The following TLN1 variants were observed in gnomAD, a reference collection of about 807,000 sequenced individuals.
The protein encoded by TLN1 is talin 1.
A neutral mutation model predicts 292.3 loss-of-function variants in TLN1; 56 were observed. The observed-to-expected ratio is 0.19, with a 90% CI of 0.15 to 0.24. TLN1 has a LOEUF of 0.24. Ranked by LOEUF, TLN1 falls within the 10% of genes least tolerant of loss-of-function variation. The probability of loss-of-function intolerance (pLI) is 1.00; values close to 1 mark genes in which losing one functional copy is unlikely to be tolerated. For missense variants in TLN1, 2,433 were observed against 3,248.2 expected, an observed-to-expected ratio of 0.75 and a Z score of 6.10; for synonymous variants, 1,119 against 1,253.7, an observed-to-expected ratio of 0.89 and a Z score of 2.27.
chr9:35,727,159 G>C (rs1281175949), intron 1 of TLN1, among the ~76,000 whole-genome samples: 1 of 152,158 alleles, frequency 6.6e-6, no homozygotes, highest in Non-Finnish European at 1.5e-5. Context: ...GCTTGGTACA[G>C]GGATTGGGTG....
intron 43 of TLN1, among the ~76,000 whole-genome samples, chr9:35,705,261 A>G (rs886411857): frequency 2.6e-5 from 4 of 152,226 alleles, no homozygotes; most frequent in Non-Finnish European, 4.4e-5. Flanking sequence ...GAACAAGAAC[A>G]TGGACTGGCA....
intron 1 of TLN1, among the ~76,000 whole-genome samples, chr9:35,730,055 G>T (rs1249053910): frequency 1.3e-5 from 2 of 151,930 alleles, no homozygotes; most frequent in African/African-American, 4.8e-5. Flanking sequence ...TATATGACCA[G>T]TCACTGCATC....
In TLN1 at chr9:35,724,119, G is replaced by A; in HGVS notation, c.655-40C>T. The A allele has an allele frequency of 6.2e-7, 1 of 1,612,708 alleles. No individual in the cohort carries two copies. The highest frequency in any genetic ancestry group is 8.5e-7 in the Non-Finnish European group (1 of 1,178,814). On this transcript the variant is annotated intron_variant, in intron 6 of 56. Transcript: ENST00000314888. This position sits in a 1 kb window ranked among gnomAD's most constrained non-coding sequence, Gnocchi z 4.7. ...GCAAGGAGGCGAATGTTGTGTGTGGGTGCAAGGACACGCACACTGTGCTTC... is the reference window on the plus strand; with the variant it reads ...GCAAGGAGGCGAATGTTGTGTGTGGATGCAAGGACACGCACACTGTGCTTC...
chr9:35,717,037 T>C lies in TLN1; in HGVS notation c.2458+109A>G. On this transcript the variant is annotated intron_variant, in intron 19 of 56. Transcript: ENST00000314888. This position sits in a 1 kb window ranked among gnomAD's most constrained non-coding sequence, Gnocchi z 4.7. ...GGTTGTGTGGCTGGCAAGCCCACAC[T>C]GTGCTGAGTTCCTTGGGGTGAAGTG... 2 of 1,283,736 alleles carry C rather than the reference T, an allele frequency of 1.6e-6. No homozygotes were observed. Among genetic ancestry groups the C allele is most frequent in the Non-Finnish European group, 1.1e-6 (1 of 936,606 alleles). The allele number at this position is 1,283,736 out of a possible 1,614,324, so 79.5% of individuals were successfully genotyped here.
intron 1 of TLN1, among the ~76,000 whole-genome samples, chr9:35,728,813 C>T (rs140617902): frequency 6.6e-6 from 1 of 152,326 alleles, no homozygotes; most frequent in African/African-American, 2.4e-5. Flanking sequence ...CTGGGCCAAA[C>T]TTTCAGTGGC....
Position 35,700,077 on chromosome 9 carries a change from G to A in TLN1, c.6665C>T (p.Ala2222Val). The A allele has an allele frequency of 1.2e-6, 2 of 1,610,840 alleles. No homozygotes were observed. The highest frequency in any genetic ancestry group is 1.7e-6 in the Non-Finnish European group (2 of 1,177,590). ...IADMLRACKE[A>V]AYHPEVAPDV... is the part of the protein sequence containing the mutation. ...AGGGGCCACTTCTGGGTGGTAAGCTGCTTCCTGTCCCCAGAGTAATATGTT... is the reference window on the plus strand; with the variant it reads ...AGGGGCCACTTCTGGGTGGTAAGCTACTTCCTGTCCCCAGAGTAATATGTT... Residue 2222 changes from alanine (A) to valine (V), a missense_variant, in exon 50 of 57, where the codon GCA becomes GTA. Ala to Val is a moderately conservative substitution (Grantham distance 64, BLOSUM62 0). Coordinates refer to ENST00000314888, the MANE Select transcript of TLN1 (RefSeq NM_006289.4).
chr9:35,713,876 T>C (rs1240424338), intron 25 of TLN1, 77 bp downstream of exon 25: 2 of 1,493,178 alleles, frequency 1.3e-6, no homozygotes, highest in African/African-American at 2.8e-5. Context: ...GAAGGAAAGG[T>C]TTTGAGCAGC....
In TLN1 at chr9:35,704,663, C is replaced by A; in HGVS notation, c.5880+6G>T. ...TCCCACCATCTGCAGGGATGAGCACCGTCACCTTCTCAGAGACTCTCCGGG... is the reference window on the plus strand; with the variant it reads ...TCCCACCATCTGCAGGGATGAGCACAGTCACCTTCTCAGAGACTCTCCGGG... On this transcript the variant is annotated splice_donor_region_variant and intron_variant, in intron 44 of 56. Transcript: ENST00000314888. This position sits in a 1 kb window ranked among gnomAD's most constrained non-coding sequence, Gnocchi z 6.9. 1 of 1,613,756 alleles carries A rather than the reference C, an allele frequency of 6.2e-7. No individual in the cohort carries two copies. Among genetic ancestry groups the A allele is most frequent in the Non-Finnish European group, 8.5e-7 (1 of 1,179,934 alleles).
At chr9:35,725,060 A>G in intron 3 of TLN1, 101 bp from the exon 4 acceptor site, 3 of 1,582,264 alleles carry the variant, frequency 1.9e-6, no homozygotes, top group South Asian at 1.1e-5. Context: ...TGAAAGGAAG[A>G]CTATGGTGGT....
chr9:35,727,898 G>A (rs1377928403), intron 1 of TLN1, among the ~76,000 whole-genome samples: 1 of 152,226 alleles, frequency 6.6e-6, no homozygotes, highest in Admixed American at 6.5e-5. Context: ...TATTCACACA[G>A]CTACAAGAGG....
At chr9:35,726,989 CT>C (rs1250023760) in intron 1 of TLN1, among the ~76,000 whole-genome samples, 1 of 152,216 alleles carries the variant, frequency 6.6e-6, no homozygotes, top group Non-Finnish European at 1.5e-5. Flanking sequence ...CCCACTTCCC[CT>C]GACTGTATTT....
rs1825746570 is a variant in TLN1 at position 35,714,707 on chromosome 9, A to C, written c.2872-20T>G. On this transcript the variant is annotated intron_variant, in intron 22 of 56. Coordinates refer to ENST00000314888, the MANE Select transcript of TLN1 (RefSeq NM_006289.4). The surrounding 1 kb of genome is among the most constrained non-coding windows in gnomAD (Gnocchi z 4.6). Reference sequence around the variant, plus strand: ...CACTGCCTGTAGGTGAAAATGTCATAAGAGACCCACAAGTCTCCCTCTTCC... The same window carrying C: ...CACTGCCTGTAGGTGAAAATGTCATCAGAGACCCACAAGTCTCCCTCTTCC... The C allele has an allele frequency of 6.2e-7, 1 of 1,613,578 alleles. No individual in the cohort carries two copies. The highest frequency in any genetic ancestry group is 8.5e-7 in the Non-Finnish European group (1 of 1,179,622).
intron 8 of TLN1, 79 bp downstream of exon 8, chr9:35,722,782 G>T: frequency 6.9e-7 from 1 of 1,444,224 alleles, no homozygotes; most frequent in Non-Finnish European, 9.7e-7. Flanking sequence ...CGGGGAGGAG[G>T]CAGGGGGCCA....
rs368792425 is a variant in TLN1, at chr9:35,719,287, G to A, written c.1688-5C>T. On this transcript the variant is annotated splice_region_variant and splice_polypyrimidine_tract_variant and intron_variant, in intron 15 of 56. Coordinates refer to ENST00000314888, the MANE Select transcript of TLN1 (RefSeq NM_006289.4). This position sits in a 1 kb window ranked among gnomAD's most constrained non-coding sequence, Gnocchi z 4.6. ...AGTCTGTCTCAGCAGGGTCCCCTAA[G>A]GGGAAAAGGAGAAAGAGGAACATGA... 131 of 1,610,880 alleles carry A rather than the reference G, an allele frequency of 8.1e-5. No homozygotes were observed. Among genetic ancestry groups the A allele is most frequent in the Middle Eastern group, 4.9e-4 (3 of 6,072 alleles).
In TLN1 at chr9:35,699,647, G is replaced by A; in HGVS notation, c.6769-186C>T. On this transcript the variant is annotated intron_variant, in intron 50 of 56. Coordinates refer to ENST00000314888, the MANE Select transcript of TLN1 (RefSeq NM_006289.4). This position sits in a 1 kb window ranked among gnomAD's most constrained non-coding sequence, Gnocchi z 4.0. Reference sequence around the variant, plus strand: ...ACACCTCACACGTGATAGAGACAGTGGGGCTGTGTCACTCACCGGCTGACA... The same window carrying A: ...ACACCTCACACGTGATAGAGACAGTAGGGCTGTGTCACTCACCGGCTGACA... 1 of 985,390 alleles carries A rather than the reference G, an allele frequency of 1.0e-6. No individual in the cohort carries two copies. The highest frequency in any genetic ancestry group is 1.2e-6 in the Non-Finnish European group (1 of 829,934). The allele number at this position is 985,390 out of a possible 1,614,324, so 61.0% of individuals were successfully genotyped here.
At position 35,708,501 on chromosome 9, in the gene TLN1, G is replaced by A; in HGVS notation, c.4327-17C>T. 6.5e-7 allele frequency: 1 copy of A among 1,544,994 alleles called. No individual in the cohort carries two copies. On this transcript the variant is annotated splice_polypyrimidine_tract_variant and intron_variant, in intron 33 of 56. Transcript: ENST00000314888. ...ATATGCAGCCTGGGAAGAGAAAAGG[G>A]GGTGGGGGTGAGGAATAAAGATTGC...
chr9:35,722,441 G>C (rs1369775403), intron 8 of TLN1, among the ~76,000 whole-genome samples: 3 of 152,194 alleles, frequency 2.0e-5, no homozygotes, highest in Non-Finnish European at 4.4e-5. Flanking sequence ...AGACATTCTG[G>C]AGATATGAAC....
Position 35,725,533 on chromosome 9 carries a change from C to G in TLN1, c.130+32G>C, listed in dbSNP as rs375205646. 8 of 1,606,898 alleles carry G rather than the reference C, an allele frequency of 5.0e-6. No homozygotes were observed. The African/African-American group carries it at 9.4e-5, about 19-fold the overall frequency. On this transcript the variant is annotated intron_variant, in intron 2 of 56. Transcript: ENST00000314888. ...TGGGAACAAGAAGGGACTGAAGACT[C>G]CCACTCCAGCCACCGGGGGAGTCAG...
rs1189298508 is a variant in TLN1 at position 35,707,813 on chromosome 9, G to A, written c.4550C>T (p.Thr1517Ile). 3 of 1,614,222 alleles carry A rather than the reference G, an allele frequency of 1.9e-6. No homozygotes were observed. In the Admixed American group the frequency reaches 5.0e-5, roughly 27 times the overall value. The change falls in exon 35 of 57, where the codon ACC becomes ATC. Residue 1517 changes from threonine to isoleucine, a missense_variant. Thr to Ile is a moderately conservative substitution (Grantham distance 89). This residue lies in a region of TLN1 where 1,384 missense variants were observed against 1,699.6 expected (regional missense o/e 0.81). Coordinates refer to ENST00000314888, the MANE Select transcript of TLN1 (RefSeq NM_006289.4). The surrounding 1 kb of genome is among the most constrained non-coding windows in gnomAD (Gnocchi z 5.6). ...AAACTGGCGCTTGGCAGTAGGATTG[G>A]TGGTACGGGCAGAAGCCAGGCGACA... ...NSCRLASARTTNPTAKRQFVQ... is the reference protein window; with the variant it reads ...NSCRLASARTINPTAKRQFVQ...
Sources: gnomAD v4.1 joint callset for allele counts (sites outside exome capture counted in the v4.1 genomes callset) on GRCh38, gnomAD v4.1.1 for gene constraint, gnomAD v4.1.1 regional missense constraint, Gnocchi (gnomAD v3.1) non-coding constraint, MANE v1.5 for transcripts, NCBI Gene and HGNC (gene_info 2026-07-23, HGNC 2026-07-21) for gene names.